TESC: variants seen among roughly 807,000 people sequenced by gnomAD.
The protein encoded by TESC is tescalcin.
TESC carries 19 observed loss-of-function variants against 31.0 expected under a neutral mutation model. The ratio of observed to expected loss-of-function variants is 0.61; its 90% CI spans 0.43 to 0.90. The LOEUF (loss-of-function observed/expected upper bound fraction) is 0.90, where lower values mean the gene tolerates loss of function less well. Ranked by LOEUF, TESC falls within the 40% of genes least tolerant of loss-of-function variation. The pLI is 0.00. For missense variants in TESC, 248 were observed against 303.8 expected, an observed-to-expected ratio of 0.82 and a Z score of 1.36; for synonymous variants, 109 against 114.8, an observed-to-expected ratio of 0.95 and a Z score of 0.32.
At chr12:117,089,821 G>A (rs988656650) in intron 1 of TESC, among the ~76,000 whole-genome samples, 2 of 152,092 alleles carry the variant, frequency 1.3e-5, no homozygotes, top group African/African-American at 4.8e-5. Flanking sequence ...AGAAAGGGGA[G>A]AGATAATATT....
At chr12:117,065,247 G>C (rs1021130699) in intron 2 of TESC, among the ~76,000 whole-genome samples, 2 of 152,186 alleles carry the variant, frequency 1.3e-5, no homozygotes, top group African/African-American at 4.8e-5. Context: ...AGGCTGTTGG[G>C]GTAGCCCAGG....
intron 7 of TESC, 90 bp from the exon 8 acceptor site, chr12:117,039,300 C>T (rs904995848): frequency 4.1e-5 from 50 of 1,219,406 alleles, no homozygotes; most frequent in Non-Finnish European, 5.1e-5. Flanking sequence ...TCCCACCTAC[C>T]GTCTCCTGCC....
intron 4 of TESC, 59 bp from the exon 5 acceptor site, chr12:117,046,897 C>G (rs1954575279): frequency 6.6e-7 from 1 of 1,511,988 alleles, no homozygotes; most frequent in Admixed American, 2.0e-5. Context: ...CTGCCACCCC[C>G]TGAAATGTAC....
chr12:117,075,384 A>G (rs1364952622), intron 1 of TESC, 44 bp from the exon 2 acceptor site: 2 of 1,594,418 alleles, frequency 1.3e-6, no homozygotes, highest in Admixed American at 1.7e-5. Context: ...AGAAAAAAAA[A>G]TCACTGACTG....
At chr12:117,071,146 C>G (rs1043000117) in intron 2 of TESC, among the ~76,000 whole-genome samples, 25 of 152,214 alleles carry the variant, frequency 1.6e-4, no homozygotes, top group African/African-American at 5.8e-4. Context: ...ACAGGCCTCA[C>G]GTAGGCCACG....
At chr12:117,091,702 C>T (rs1321673911) in intron 1 of TESC, among the ~76,000 whole-genome samples, 1 of 152,228 alleles carries the variant, frequency 6.6e-6, no homozygotes, top group Non-Finnish European at 1.5e-5. Flanking sequence ...GTCCCCACTC[C>T]CCTCCCACTG....
At chr12:117,048,196 C>A (rs1237655673) in intron 4 of TESC, among the ~76,000 whole-genome samples, 1 of 152,214 alleles carries the variant, frequency 6.6e-6, no homozygotes, top group African/African-American at 2.4e-5. Flanking sequence ...CGTTTGCCCA[C>A]GGCCACACCA....
At position 117,056,890 on chromosome 12, in the gene TESC, GT is replaced by G; in HGVS notation, c.129-5del. ...GACATTGTTGAAGTTCTCCTTGCTG[GT>G]TTCCAAGAAGGAGAGATACCGGGAA... is the stretch of plus-strand genomic sequence containing the variant. On this transcript the variant is annotated splice_polypyrimidine_tract_variant and splice_region_variant and intron_variant, in intron 2 of 7. Transcript: ENST00000335209. 6.2e-7 allele frequency: 1 copy of G among 1,614,054 alleles called. No individual in the cohort carries two copies. The highest frequency in any genetic ancestry group is 8.5e-7 in the Non-Finnish European group (1 of 1,179,968).
intron 1 of TESC, among the ~76,000 whole-genome samples, chr12:117,083,639 A>G (rs935599766): frequency 6.6e-6 from 1 of 152,274 alleles, no homozygotes; most frequent in Non-Finnish European, 1.5e-5. Context: ...AGCCAGACAT[A>G]CAAGGCCACA....
chr12:117,076,632 C>T (rs1334746618), intron 1 of TESC, among the ~76,000 whole-genome samples: 3 of 152,118 alleles, frequency 2.0e-5, no homozygotes, highest in Non-Finnish European at 4.4e-5. Context: ...TTAGCAGAGA[C>T]GGGGTTTCGC....
In TESC at chr12:117,049,046, C is replaced by T. The variant is rs1315809414; in HGVS notation, c.322G>A (p.Glu108Lys). Residue 108 changes from glutamate (E) to lysine (K), a missense_variant, in exon 4 of 8, where the codon GAG becomes AAG. Physicochemically the swap from Glu to Lys is moderately conservative, Grantham distance 56. Coordinates refer to ENST00000335209, the MANE Select transcript of TESC (RefSeq NM_017899.4). ...IDTTMDEEQV[E>K]LSRKEKLRFL... The stretch of plus-strand genomic sequence containing the variant: ...CTCAGCTTCTCCTTCCGGGACAGCT[C>T]CACCTGTTCCTCGTCCATGGTGGTG... The T allele has an allele frequency of 6.2e-7, 1 of 1,614,232 alleles. No individual in the cohort carries two copies. Among genetic ancestry groups the T allele is most frequent in the African/African-American group, 1.3e-5 (1 of 75,066 alleles).
intron 1 of TESC, among the ~76,000 whole-genome samples, chr12:117,084,777 C>A (rs1278967018): frequency 1.3e-5 from 2 of 152,208 alleles, no homozygotes; most frequent in Admixed American, 1.3e-4. Flanking sequence ...TTTGGGGCAC[C>A]AGGACTCTGT....
At chr12:117,082,636 T>C (rs1447554901) in intron 1 of TESC, among the ~76,000 whole-genome samples, 1 of 152,042 alleles carries the variant, frequency 6.6e-6, no homozygotes, top group Admixed American at 6.6e-5. Flanking sequence ...CATCGGAAAA[T>C]GTCATATGGC....
chr12:117,080,867 G>A (rs1955138208), intron 1 of TESC, among the ~76,000 whole-genome samples: 1 of 152,152 alleles, frequency 6.6e-6, no homozygotes, highest in Non-Finnish European at 1.5e-5. Context: ...CCCACGGAAG[G>A]ACCTGCCTTT....
intron 2 of TESC, among the ~76,000 whole-genome samples, chr12:117,073,339 TTCTC>T (rs1266945879): frequency 6.6e-6 from 1 of 152,182 alleles, no homozygotes; most frequent in African/African-American, 2.4e-5. Flanking sequence ...TGGGCTCAGG[TTCTC>T]TCTCCTCCAC....
In TESC at chr12:117,049,055, C is replaced by T. The variant is rs868535508; in HGVS notation, c.313G>A (p.Glu105Lys). 3 of 1,614,216 alleles carry T rather than the reference C, an allele frequency of 1.9e-6. No individual in the cohort carries two copies. The highest frequency in any genetic ancestry group is 4.5e-5 in the East Asian group (2 of 44,884). The stretch of plus-strand genomic sequence containing the variant: ...TCCTTCCGGGACAGCTCCACCTGTT[C>T]CTCGTCCATGGTGGTGTCGATGGGC... ...FRPIDTTMDE[E>K]QVELSRKEKL... The change falls in exon 4 of 8, where the codon GAA becomes AAA. Residue 105 changes from glutamate to lysine, a missense_variant. Glu to Lys is a moderately conservative substitution (Grantham distance 56). Coordinates refer to ENST00000335209, the MANE Select transcript of TESC (RefSeq NM_017899.4).
At chr12:117,060,831 A>G (rs895197011) in intron 2 of TESC, among the ~76,000 whole-genome samples, 7 of 152,188 alleles carry the variant, frequency 4.6e-5, no homozygotes, top group Admixed American at 3.3e-4. Context: ...CAGATCCCTG[A>G]GAAAGGGACC....
intron 1 of TESC, among the ~76,000 whole-genome samples, chr12:117,097,517 A>G (rs945618020): frequency 6.6e-6 from 1 of 152,158 alleles, no homozygotes; most frequent in African/African-American, 2.4e-5. Flanking sequence ...ACACCCATCC[A>G]GATTCAAAGC....
intron 7 of TESC, among the ~76,000 whole-genome samples, chr12:117,040,819 G>C (rs530973777): frequency 9.2e-5 from 14 of 152,314 alleles, no homozygotes; most frequent in African/African-American, 3.4e-4. Flanking sequence ...TTGGCTGCCA[G>C]GCTTGGCCTC....
Sources: allele counts gnomAD v4.1 joint callset (sites outside exome capture counted in the v4.1 genomes callset), GRCh38; gene constraint gnomAD v4.1.1; transcripts MANE v1.5; gene names NCBI Gene and HGNC (gene_info 2026-07-23, HGNC 2026-07-21).